Variants in BTBD10 observed in about 807,000 individuals in gnomAD.
BTBD10 encodes the protein BTB domain containing 10.
Under a neutral mutation model 53.2 loss-of-function variants are expected in BTBD10, and 21 were observed. The observed-to-expected ratio is 0.39, with a 90% confidence interval of 0.28 to 0.57. The LOEUF is 0.57. Among genes scored for constraint, BTBD10 ranks in the 20% least tolerant of loss-of-function variants. The pLI, the probability that BTBD10 is intolerant of heterozygous loss-of-function variation, is 0.53. For synonymous variants in BTBD10, 149 were observed against 192.7 expected (o/e 0.77, Z 1.88); for missense variants, 360 against 594.7 (o/e 0.61, Z 4.10).
intron 8 of BTBD10, among the ~76,000 whole-genome samples, chr11:13,396,534 C>A (rs1454247128): frequency 6.6e-6 from 1 of 152,130 alleles, no homozygotes; most frequent in Non-Finnish European, 1.5e-5. Flanking sequence ...CCCTTTATTT[C>A]CTTCTCCTGC....
rs184822178 is a variant in BTBD10 at position 13,394,516 on chromosome 11, A to C, written c.1118-5375T>G. On this transcript the variant is annotated intron_variant, in intron 8 of 8. Coordinates refer to ENST00000278174, the MANE Select transcript of BTBD10 (RefSeq NM_032320.7). ...CAAATAAACCTCTTTGCTTCTTCAT[A>C]AAAGACCCACTTTCAGGTAGTTCTT... Among the ~76,000 whole-genome samples, 782 of 152,262 alleles carry C rather than the reference A, an allele frequency of 5.1e-3. 4 individuals are homozygous for C. Among genetic ancestry groups the C allele is most frequent in the Non-Finnish European group, 7.0e-3 (478 of 68,006 alleles).
rs1282143001 is a variant in BTBD10 at position 13,421,627 on chromosome 11, G to C, written c.298+15C>G. ...TTTTTAAGAACTGTTAGGAAGGTTA[G>C]TTGATTTTACATACCAACATGGTGC... is the stretch of plus-strand genomic sequence containing the variant. On this transcript the variant is annotated intron_variant, in intron 3 of 8. Coordinates refer to ENST00000278174, the MANE Select transcript of BTBD10 (RefSeq NM_032320.7). The C allele has an allele frequency of 6.2e-7, 1 of 1,603,236 alleles. No homozygotes were observed. Among genetic ancestry groups the C allele is most frequent in the Non-Finnish European group, 8.5e-7 (1 of 1,173,684 alleles).
At chr11:13,461,091 T>C (rs1001947505) in intron 1 of BTBD10, among the ~76,000 whole-genome samples, 6 of 152,212 alleles carry the variant, frequency 3.9e-5, no homozygotes, top group Admixed American at 2.6e-4. Flanking sequence ...CAATTAGATG[T>C]GACATTTTTC....
intron 1 of BTBD10, among the ~76,000 whole-genome samples, chr11:13,452,426 T>G (rs10832041): frequency 0.41 from 62,292 of 151,996 alleles, 15,229 homozygotes; most frequent in Middle Eastern, 0.56. Context: ...GAACTGTATA[T>G]CAGAAAGAAA....
intron 6 of BTBD10, among the ~76,000 whole-genome samples, chr11:13,413,213 C>A (rs1591116313): frequency 6.6e-6 from 1 of 151,998 alleles, no homozygotes; most frequent in East Asian, 1.9e-4. Flanking sequence ...GCCAAATGAC[C>A]ACACTTGACC....
At chr11:13,432,069 A>T (rs1950458834) in intron 2 of BTBD10, among the ~76,000 whole-genome samples, 1 of 152,108 alleles carries the variant, frequency 6.6e-6, no homozygotes, top group African/African-American at 2.4e-5. Flanking sequence ...ATGTGAATGG[A>T]TCCAAAAGCA....
At chr11:13,404,933 C>G (rs188619338) in intron 7 of BTBD10, among the ~76,000 whole-genome samples, 265 of 152,164 alleles carry the variant, frequency 1.7e-3, no homozygotes, top group African/African-American at 6.0e-3. Flanking sequence ...TAATCCTTAC[C>G]AAGTCAACAG....
intron 6 of BTBD10, among the ~76,000 whole-genome samples, chr11:13,408,654 T>C (rs763914109): frequency 3.3e-5 from 5 of 152,202 alleles, no homozygotes; most frequent in South Asian, 2.1e-4. Context: ...TCTCAATTAA[T>C]GGCAACCTCA....
chr11:13,439,005 T>C (rs1322779101), intron 2 of BTBD10, among the ~76,000 whole-genome samples: 1 of 151,936 alleles, frequency 6.6e-6, no homozygotes, highest in Non-Finnish European at 1.5e-5. Context: ...AAGATGACCA[T>C]TCAAACTTTT....
intron 8 of BTBD10, among the ~76,000 whole-genome samples, chr11:13,399,793 G>A (rs11022798): frequency 0.46 from 70,162 of 152,004 alleles, 17,171 homozygotes; most frequent in South Asian, 0.62. Flanking sequence ...CAGGTCTGTT[G>A]GAGTTTACTG....
At chr11:13,412,426 C>G (rs190927686) in intron 6 of BTBD10, among the ~76,000 whole-genome samples, 1 of 152,212 alleles carries the variant, frequency 6.6e-6, no homozygotes, top group East Asian at 1.9e-4. Flanking sequence ...GCACTCCAGC[C>G]TGGGTGACAC....
At chr11:13,416,941 T>A (rs901619662) in intron 5 of BTBD10, among the ~76,000 whole-genome samples, 5 of 152,100 alleles carry the variant, frequency 3.3e-5, no homozygotes, top group Non-Finnish European at 7.4e-5. Context: ...GCTATGATTG[T>A]GCCACTGCAC....
chr11:13,434,732 G>C (rs566631259), intron 2 of BTBD10, among the ~76,000 whole-genome samples: 43 of 152,346 alleles, frequency 2.8e-4, no homozygotes, highest in African/African-American at 9.6e-4. Context: ...AAAACCAGGA[G>C]ACCATTTCAG....
intron 1 of BTBD10, among the ~76,000 whole-genome samples, chr11:13,449,181 G>A (rs374947103): frequency 2.6e-5 from 4 of 152,016 alleles, no homozygotes; most frequent in South Asian, 2.1e-4. Context: ...ATTGCTCCTC[G>A]GGACACTATT....
intron 2 of BTBD10, among the ~76,000 whole-genome samples, chr11:13,438,689 T>C (rs1245119472): frequency 2.0e-5 from 3 of 151,972 alleles, no homozygotes; most frequent in African/African-American, 7.2e-5. Flanking sequence ...TGCCAAAATA[T>C]TTATTTTTCT....
intron 8 of BTBD10, among the ~76,000 whole-genome samples, chr11:13,399,550 CAA>C (rs962087963): frequency 2.0e-5 from 3 of 152,212 alleles, no homozygotes; most frequent in Non-Finnish European, 2.9e-5. Context: ...CTCAACTCGT[CAA>C]AGTCATTCTC....
intron 8 of BTBD10, among the ~76,000 whole-genome samples, chr11:13,399,700 G>T (rs988526002): frequency 2.0e-5 from 3 of 152,160 alleles, no homozygotes; most frequent in Non-Finnish European, 2.9e-5. Context: ...GGTCTTTGAT[G>T]ATGGTGACGT....
At chr11:13,436,752 T>G (rs189513302) in intron 2 of BTBD10, among the ~76,000 whole-genome samples, 2 of 151,886 alleles carry the variant, frequency 1.3e-5, no homozygotes, top group East Asian at 3.9e-4. Context: ...ATTATGACAT[T>G]CCTTAATATC....
chr11:13,396,509 T>C (rs1949554923), intron 8 of BTBD10, among the ~76,000 whole-genome samples: 1 of 152,200 alleles, frequency 6.6e-6, no homozygotes, highest in South Asian at 2.1e-4. Context: ...GGCTTCCTCT[T>C]TTCCTAACTG....
Sources: allele counts gnomAD v4.1 joint callset (sites outside exome capture counted in the v4.1 genomes callset), GRCh38; gene constraint gnomAD v4.1.1; transcripts MANE v1.5; gene names NCBI Gene and HGNC (gene_info 2026-07-23, HGNC 2026-07-21).